LRMDA: variants seen among roughly 807,000 people sequenced by gnomAD.
LRMDA encodes the protein leucine-rich melanocyte differentiation-associated protein.
LRMDA carries 18 observed loss-of-function variants against 29.8 expected under a neutral mutation model. The ratio of observed to expected loss-of-function variants is 0.60; its 90% CI spans 0.42 to 0.90. LRMDA has a LOEUF of 0.90. LRMDA is among the 40% of genes least tolerant of loss of function. The probability of loss-of-function intolerance (pLI) is 0.00; values close to 1 mark genes in which losing one functional copy is unlikely to be tolerated. For synonymous variants in LRMDA, 125 were observed against 109.4 expected (o/e 1.14, Z -0.89); for missense variants, 273 against 273.9 (o/e 1.00, Z 0.02).
At chr10:75,823,685 AGTGTGTGTGT>A (rs141426887) in intron 2 of LRMDA, among the ~76,000 whole-genome samples, 14,277 of 144,036 alleles carry the variant, frequency 0.099, 855 homozygotes, top group Non-Finnish European at 0.13. Context: ...ATTAAAATGT[AGTGTGTGTGT>A]GTGTGTGTGT....
intron 2 of LRMDA, among the ~76,000 whole-genome samples, chr10:75,929,526 C>T (rs1167436770): frequency 6.6e-6 from 1 of 152,124 alleles, no homozygotes; most frequent in Admixed American, 6.5e-5. Flanking sequence ...CCCCAAGTTA[C>T]ATGGCTAACA....
In LRMDA at chr10:75,984,438, A is replaced by G. The variant is rs545040100; in HGVS notation, c.132-51570A>G. ...TGCCCTGTGTCCTCCTGGAAGGGAA[A>G]GGGAAGGCCTGCCAGGGCCTGCAGA... On this transcript the variant is annotated intron_variant, in intron 2 of 6. Transcript: ENST00000611255. 2.6e-5 allele frequency among the ~76,000 whole-genome samples: 4 copies of G among 152,348 alleles called. No homozygotes were observed. In the East Asian group the frequency reaches 7.7e-4, roughly 29 times the overall value.
At chr10:75,455,417 C>T (rs570602942) in intron 2 of LRMDA, among the ~76,000 whole-genome samples, 75 of 152,306 alleles carry the variant, frequency 4.9e-4, no homozygotes, top group South Asian at 2.7e-3. Flanking sequence ...TGAAAGCTCA[C>T]ATGCTCAATG....
In LRMDA at chr10:76,014,768, A is replaced by G. The variant is rs535204133; in HGVS notation, c.132-21240A>G. ...AGGAAAAATCTAGAAGGAAGCCTGT[A>G]TGGTAGAATGGAGGCCCACTGGCTC... On this transcript the variant is annotated intron_variant, in intron 2 of 6. Coordinates refer to ENST00000611255, the MANE Select transcript of LRMDA (RefSeq NM_001305581.2). 3.5e-4 allele frequency among the ~76,000 whole-genome samples: 54 copies of G among 152,328 alleles called. 1 individual carries two copies. The highest frequency in any genetic ancestry group is 1.2e-3 in the African/African-American group (51 of 41,570).
intron 6 of LRMDA, among the ~76,000 whole-genome samples, chr10:76,545,965 T>C (rs1441994204): frequency 6.6e-6 from 1 of 152,116 alleles, no homozygotes; most frequent in Non-Finnish European, 1.5e-5. Context: ...CCAACTCAGA[T>C]CCATGGAATC....
intron 5 of LRMDA, among the ~76,000 whole-genome samples, chr10:76,257,114 G>T (rs1852609672): frequency 6.6e-6 from 1 of 152,006 alleles, no homozygotes; most frequent in Non-Finnish European, 1.5e-5. Context: ...TTAAGTTTAT[G>T]CATGAAGATC....
At chr10:75,553,516 T>G (rs949016119) in intron 2 of LRMDA, among the ~76,000 whole-genome samples, 4 of 152,150 alleles carry the variant, frequency 2.6e-5, no homozygotes, top group African/African-American at 9.7e-5. Context: ...AGGTAGGCCC[T>G]GTGTATCTGG....
intron 2 of LRMDA, among the ~76,000 whole-genome samples, chr10:75,455,114 C>T (rs1382389457): frequency 6.6e-6 from 1 of 152,166 alleles, no homozygotes; most frequent in Admixed American, 6.5e-5. Context: ...GGCACCTGAG[C>T]TAGGTGGTCT....
chr10:76,165,505 C>G (rs1850723606), intron 5 of LRMDA, among the ~76,000 whole-genome samples: 1 of 152,204 alleles, frequency 6.6e-6, no homozygotes, highest in Non-Finnish European at 1.5e-5. Context: ...TGCCTGACTT[C>G]AAGTGATCTG....
chr10:75,973,665 C>T (rs1368267903), intron 2 of LRMDA, among the ~76,000 whole-genome samples: 2 of 152,142 alleles, frequency 1.3e-5, no homozygotes, highest in Non-Finnish European at 2.9e-5. Context: ...GGTGATCCAC[C>T]CGCCTTGGCC....
At chr10:76,410,599 G>A (rs963426749) in intron 6 of LRMDA, among the ~76,000 whole-genome samples, 5 of 151,698 alleles carry the variant, frequency 3.3e-5, no homozygotes, top group Non-Finnish European at 4.4e-5. Context: ...ATGAGCCACC[G>A]TGGCCCAGCC....
intron 6 of LRMDA, among the ~76,000 whole-genome samples, chr10:76,445,276 A>G (rs770036592): frequency 6.6e-6 from 1 of 152,220 alleles, no homozygotes; most frequent in Non-Finnish European, 1.5e-5. Context: ...CCTGAAAGGC[A>G]GTAATCACAT....
intron 2 of LRMDA, among the ~76,000 whole-genome samples, chr10:75,632,949 C>T (rs1057265073): frequency 2.6e-5 from 4 of 151,694 alleles, no homozygotes; most frequent in African/African-American, 9.7e-5. Context: ...GACAGTGGCT[C>T]CTCCCTGTGG....
At chr10:76,014,143 T>TTATATATATATATAA (rs1564630516) in intron 2 of LRMDA, among the ~76,000 whole-genome samples, 41 of 37,154 alleles carry the variant, frequency 1.1e-3, no homozygotes, top group Middle Eastern at 0.019. Context: ...TATATATATA[T>TTATATATATATATAA]AATTATATAT....
chr10:76,061,327 A>T (rs909601515), intron 5 of LRMDA, among the ~76,000 whole-genome samples: 1 of 152,190 alleles, frequency 6.6e-6, no homozygotes, highest in Non-Finnish European at 1.5e-5. Context: ...ATGAGAACTC[A>T]TGAACACAAA....
intron 6 of LRMDA, among the ~76,000 whole-genome samples, chr10:76,462,908 G>A (rs1365221019): frequency 6.6e-6 from 1 of 152,180 alleles, no homozygotes; most frequent in Non-Finnish European, 1.5e-5. Context: ...TGCAAATGCT[G>A]TGCTCAATAA....
intron 2 of LRMDA, among the ~76,000 whole-genome samples, chr10:76,026,899 G>C (rs1307734064): frequency 6.6e-6 from 1 of 152,168 alleles, no homozygotes. Context: ...AATAAGTATA[G>C]TGGCTCTGAG....
intron 5 of LRMDA, among the ~76,000 whole-genome samples, chr10:76,198,670 G>A (rs914658051): frequency 2.0e-5 from 3 of 152,204 alleles, no homozygotes; most frequent in Non-Finnish European, 4.4e-5. Context: ...TGGAATGAAG[G>A]AGGAGCTGCC....
At chr10:76,145,303 G>A (rs1208823600) in intron 5 of LRMDA, among the ~76,000 whole-genome samples, 1 of 152,178 alleles carries the variant, frequency 6.6e-6, no homozygotes, top group East Asian at 1.9e-4. Flanking sequence ...GAATTTGGCT[G>A]TGAATCCATC....
Sources: allele counts gnomAD v4.1 joint callset (sites outside exome capture counted in the v4.1 genomes callset), GRCh38; gene constraint gnomAD v4.1.1; transcripts MANE v1.5; gene names NCBI Gene and HGNC (gene_info 2026-07-23, HGNC 2026-07-21).